The following PRXL2A variants were observed in gnomAD, a reference collection of about 807,000 sequenced individuals.
PRXL2A encodes peroxiredoxin-like 2A.
In PRXL2A, 26 loss-of-function variants were observed where a neutral mutation model predicts 25.6. The ratio of observed to expected loss-of-function variants is 1.02; its 90% CI spans 0.74 to 1.41. The LOEUF (loss-of-function observed/expected upper bound fraction) is 1.41. Ranked by LOEUF, PRXL2A falls within the 40% of genes most tolerant of loss-of-function variation. PRXL2A has a pLI of 0.00. For missense variants in PRXL2A, 246 were observed against 273.9 expected, an observed-to-expected ratio of 0.90 and a Z score of 0.72; for synonymous variants, 98 against 102.9, an observed-to-expected ratio of 0.95 and a Z score of 0.29.
rs760993079 is a variant in PRXL2A, at chr10:80,420,524, A to G, written c.57A>G (p.Ala19=). The G allele has an allele frequency of 6.2e-6, 10 of 1,613,444 alleles. No individual in the cohort carries two copies. The highest frequency in any genetic ancestry group is 3.4e-6 in the Non-Finnish European group (4 of 1,179,710). Residue 19 remains alanine, a synonymous_variant, in exon 2 of 6, where the codon GCA becomes GCG. Coordinates refer to ENST00000606162, the MANE Select transcript of PRXL2A (RefSeq NM_032333.5). ...CCATGGGGATGTGGTCCATTGGTGC[A>G]GGAGCCCTGGGGGCTGCTGCCTTGG... The part of the protein sequence containing the change: ...FFTMGMWSIG[A]GALGAAALAL...
chr10:80,415,020 C>A (rs1056142019), intron 1 of PRXL2A, among the ~76,000 whole-genome samples: 1 of 152,182 alleles, frequency 6.6e-6, no homozygotes, highest in Admixed American at 6.5e-5. Context: ...TCAAGACATG[C>A]CAGGATGGGA....
intron 3 of PRXL2A, 137 bp downstream of exon 3, chr10:80,422,645 A>AT (rs1844911404): frequency 2.3e-6 from 1 of 429,724 alleles, no homozygotes; most frequent in South Asian, 3.5e-5. Flanking sequence ...TGCTCTAGGT[A>AT]TTTCTTTGAT....
At chr10:80,409,529 C>T (rs1160825493) in intron 1 of PRXL2A, among the ~76,000 whole-genome samples, 1 of 152,156 alleles carries the variant, frequency 6.6e-6, no homozygotes, top group Non-Finnish European at 1.5e-5. Context: ...TTCCTTTGAA[C>T]CTGGCAGGTG....
In PRXL2A at chr10:80,433,242, A is replaced by G. The variant is rs887295967; in HGVS notation, c.*1143A>G. On this transcript the variant is annotated 3_prime_UTR_variant, in exon 6 of 6. Coordinates refer to ENST00000606162, the MANE Select transcript of PRXL2A (RefSeq NM_032333.5). ...GTTTAAAATTGGTAGCTGTTTTTCT[A>G]TTGGTCTTTTAGCCTAATTTGGCAA... The G allele has an allele frequency of 6.6e-6, 1 of 152,200 alleles. No homozygotes were observed. Among genetic ancestry groups the G allele is most frequent in the Non-Finnish European group, 1.5e-5 (1 of 68,018 alleles). The allele number at this position is 152,200 out of a possible 1,614,324, so 9.4% of individuals were successfully genotyped here. A position where few individuals can be genotyped will look rare whatever the true frequency, so the allele number is the denominator to read the frequency against.
chr10:80,420,270 T>G, intron 1 of PRXL2A, 196 bp from the exon 2 acceptor site: 4 of 1,327,364 alleles, frequency 3.0e-6, no homozygotes, highest in East Asian at 6.1e-5. Context: ...GGAACCTCCA[T>G]GTGTGTGCTG....
intron 1 of PRXL2A, among the ~76,000 whole-genome samples, chr10:80,416,286 A>C (rs1844659181): frequency 6.6e-6 from 1 of 152,230 alleles, no homozygotes; most frequent in African/African-American, 2.4e-5. Context: ...TGTTGAATTC[A>C]TTTCAGCATG....
At chr10:80,424,633 AG>A (rs1214340988) in intron 3 of PRXL2A, among the ~76,000 whole-genome samples, 1 of 151,530 alleles carries the variant, frequency 6.6e-6, no homozygotes, top group African/African-American at 2.4e-5. Context: ...TGGGAGGCCG[AG>A]GCAGGTGGAT....
At chr10:80,417,508 A>G (rs1564689674) in intron 1 of PRXL2A, among the ~76,000 whole-genome samples, 1 of 152,104 alleles carries the variant, frequency 6.6e-6, no homozygotes, top group African/African-American at 2.4e-5. Flanking sequence ...CAGGAGAAGC[A>G]AGGCTAGGTG....
intron 3 of PRXL2A, 21 bp downstream of exon 3, chr10:80,422,529 A>T (rs1242600507): frequency 6.3e-7 from 1 of 1,594,190 alleles, no homozygotes; most frequent in Admixed American, 1.7e-5. Flanking sequence ...ATGAGGATCT[A>T]TTCAGAGAAA....
In PRXL2A at chr10:80,411,983, C is replaced by T. The variant is rs111403085; in HGVS notation, c.-3+3340C>T. ...ATACTTTGTTTCATTAAGACTTTAT[C>T]AGTTCCTGCCCAGAGGCAGCTCCTG... On this transcript the variant is annotated intron_variant, in intron 1 of 5. Transcript: ENST00000606162. Among the ~76,000 whole-genome samples, 182 of 152,266 alleles carry T rather than the reference C, an allele frequency of 1.2e-3. 3 individuals carry two copies. The highest frequency in any genetic ancestry group is 4.3e-3 in the African/African-American group (179 of 41,556).
chr10:80,411,818 C>G (rs1298118328), intron 1 of PRXL2A, among the ~76,000 whole-genome samples: 1 of 152,122 alleles, frequency 6.6e-6, no homozygotes, highest in Non-Finnish European at 1.5e-5. Flanking sequence ...TTGCTTCTCC[C>G]CTATCTCTGC....
In PRXL2A at chr10:80,436,121, T is replaced by C. The variant is rs1204050106; in HGVS notation, c.*4022T>C. On this transcript the variant is annotated 3_prime_UTR_variant, in exon 6 of 6. Coordinates refer to ENST00000606162, the MANE Select transcript of PRXL2A (RefSeq NM_032333.5). ...TGGGGTAGGCCCCAAGCAACTTTTT[T>C]TTTTTTTTTTTTAGATAGAATCTTG... 6.6e-6 allele frequency: 1 copy of C among 150,980 alleles called. No individual in the cohort carries two copies. The highest frequency in any genetic ancestry group is 1.5e-5 in the Non-Finnish European group (1 of 67,646). The allele number at this position is 150,980 out of a possible 1,614,324, so 9.4% of individuals were successfully genotyped here.
At chr10:80,428,432 G>C (rs1183141277) in intron 5 of PRXL2A, among the ~76,000 whole-genome samples, 2 of 152,222 alleles carry the variant, frequency 1.3e-5, no homozygotes, top group African/African-American at 4.8e-5. Flanking sequence ...GCCAAGGCGG[G>C]CGGATCACTT....
At chr10:80,414,860 C>T (rs1000914453) in intron 1 of PRXL2A, among the ~76,000 whole-genome samples, 5 of 152,202 alleles carry the variant, frequency 3.3e-5, no homozygotes, top group Admixed American at 6.5e-5. Flanking sequence ...GGCCTCCATA[C>T]CTCTGCAATC....
At chr10:80,410,151 G>T (rs920989106) in intron 1 of PRXL2A, among the ~76,000 whole-genome samples, 1 of 152,234 alleles carries the variant, frequency 6.6e-6, no homozygotes, top group Admixed American at 6.5e-5. Context: ...TAGGGCAGCT[G>T]TCCTGCCAGT....
intron 5 of PRXL2A, 93 bp from the exon 6 acceptor site, chr10:80,431,893 G>A: frequency 4.4e-6 from 4 of 911,222 alleles, no homozygotes; most frequent in Non-Finnish European, 7.1e-6. Context: ...TGCTATTCAA[G>A]CAAAAGGCTT....
At chr10:80,417,262 C>T (rs764811482) in intron 1 of PRXL2A, among the ~76,000 whole-genome samples, 2 of 152,190 alleles carry the variant, frequency 1.3e-5, no homozygotes, top group Non-Finnish European at 2.9e-5. Flanking sequence ...GGGAGTATGT[C>T]GGACCCGAAC....
intron 4 of PRXL2A, among the ~76,000 whole-genome samples, 194 bp from the exon 5 acceptor site, chr10:80,427,138 A>C (rs1354550554): frequency 8.3e-6 from 1 of 120,350 alleles, no homozygotes; most frequent in Non-Finnish European, 1.6e-5. Flanking sequence ...GCAAGACTCC[A>C]TCTCAAAAAA....
In PRXL2A at chr10:80,427,597, G is replaced by A. The variant is rs1845094403; in HGVS notation, c.576+101G>A. 6 of 1,257,194 alleles carry A rather than the reference G, an allele frequency of 4.8e-6. No homozygotes were observed. The East Asian group carries it at 1.4e-4, about 30-fold the overall frequency. The allele number at this position is 1,257,194 out of a possible 1,614,324, so 77.9% of individuals were successfully genotyped here. ...TGGGGGTTGACTTTCCCTGTTTTGG[G>A]TCTCCTAGCCTTCCTTCTAGCAAGC... On this transcript the variant is annotated intron_variant, in intron 5 of 5. Transcript: ENST00000606162.
Sources: allele counts gnomAD v4.1 joint callset (sites outside exome capture counted in the v4.1 genomes callset), GRCh38; gene constraint gnomAD v4.1.1; transcripts MANE v1.5; gene names NCBI Gene and HGNC (gene_info 2026-07-23, HGNC 2026-07-21).